The following PIAS3 variants were observed in gnomAD, a reference collection of about 807,000 sequenced individuals.
PIAS3 encodes the protein E3 SUMO-protein ligase PIAS3.
In PIAS3, 34 loss-of-function variants were observed where a neutral mutation model predicts 67.6. That is an observed-to-expected ratio of 0.50 (90% CI 0.38 to 0.67). The LOEUF is 0.67. Ranked by LOEUF, PIAS3 falls within the 30% of genes least tolerant of loss-of-function variation. The pLI is 0.00. For missense variants in PIAS3, 693 were observed against 791.6 expected (o/e 0.88, Z 1.49); for synonymous variants, 341 against 313.8 (o/e 1.09, Z -0.92).
Position 145,849,581 on chromosome 1 carries a change from G to A in PIAS3, c.1752C>T (p.Ala584=). 6.2e-7 allele frequency: 1 copy of A among 1,612,240 alleles called. No homozygotes were observed. The highest frequency in any genetic ancestry group is 1.1e-5 in the South Asian group (1 of 90,714). ...APTLGSSHCS[A]TPAPPPGRVS... ...CACGGCCAGGAGGGGGCGCCGGAGTGGCGCTGCAGTGGGAGCTCCCCAGCG... is the reference window on the plus strand; with the variant it reads ...CACGGCCAGGAGGGGGCGCCGGAGTAGCGCTGCAGTGGGAGCTCCCCAGCG... The change falls in exon 14 of 14, where the codon GCC becomes GCT. Residue 584 remains alanine, a synonymous_variant. Coordinates refer to ENST00000393045, the MANE Select transcript of PIAS3 (RefSeq NM_006099.3).
rs782112613 is a variant in PIAS3, at chr1:145,856,721, C to T, written c.310G>A (p.Gly104Ser). 3.7e-6 allele frequency: 6 copies of T among 1,613,514 alleles called. No individual in the cohort carries two copies. The highest frequency in any genetic ancestry group is 5.1e-6 in the Non-Finnish European group (6 of 1,179,608). Reference protein sequence around the residue: ...APIPPTLLAPGTLLGPKREVD... With the variant: ...APIPPTLLAPSTLLGPKREVD... Reference sequence around the variant, plus strand: ...TCACGCTTGGGGCCCAGCAGGGTGCCAGGGGCCAACAGCGTTGGGGGAATG... The same window carrying T: ...TCACGCTTGGGGCCCAGCAGGGTGCTAGGGGCCAACAGCGTTGGGGGAATG... Residue 104 changes from glycine (G) to serine (S), a missense_variant, in exon 2 of 14, where the codon GGC becomes AGC. Gly to Ser is a moderately conservative substitution (Grantham distance 56, BLOSUM62 0). This residue lies in a region of PIAS3 where 308 missense variants were observed against 348.8 expected (regional missense o/e 0.88). Coordinates refer to ENST00000393045, the MANE Select transcript of PIAS3 (RefSeq NM_006099.3).
intron 1 of PIAS3, among the ~76,000 whole-genome samples, chr1:145,858,163 C>T (rs1653268720): frequency 6.6e-6 from 1 of 152,110 alleles, no homozygotes; most frequent in Non-Finnish European, 1.5e-5. Flanking sequence ...GAGATCCTGT[C>T]ATGTGCAGGG....
At chr1:145,858,158 C>G (rs1240541247) in intron 1 of PIAS3, among the ~76,000 whole-genome samples, 14 of 152,072 alleles carry the variant, frequency 9.2e-5, no homozygotes, top group Non-Finnish European at 2.1e-4. Flanking sequence ...TCTAGGAGAT[C>G]CTGTCATGTG....
rs1553735745 is a variant in PIAS3, at chr1:145,856,827, C to A, written c.204G>T (p.Lys68Asn). The A allele has an allele frequency of 6.2e-7, 1 of 1,614,102 alleles. No homozygotes were observed. The highest frequency in any genetic ancestry group is 1.7e-5 in the Admixed American group (1 of 60,022). ...KELYRRRFPR[K>N]TLGPSDLSLL... ...GGGAGAGATCAGAGGGCCCCAGGGT[C>A]TTCCGGGGAAAGCGTCGTCGGTAAA... Residue 68 changes from lysine (K) to asparagine (N), a missense_variant, in exon 2 of 14, where the codon AAG (lysine) becomes AAT (asparagine). Lys to Asn is a moderately conservative substitution (Grantham distance 94). Transcript: ENST00000393045.
Position 145,849,577 on chromosome 1 carries a change from G to C in PIAS3, c.1756C>G (p.Pro586Ala), listed in dbSNP as rs782337294. ...TLGSSHCSATPAPPPGRVSSI... is the reference protein window; with the variant it reads ...TLGSSHCSATAAPPPGRVSSI... ...CTGACACGGCCAGGAGGGGGCGCCG[G>C]AGTGGCGCTGCAGTGGGAGCTCCCC... Residue 586 changes from proline (P) to alanine (A), a missense_variant, in exon 14 of 14, where the codon CCG becomes GCG. Pro to Ala is a conservative substitution (Grantham distance 27). Transcript: ENST00000393045. 12 of 1,611,724 alleles carry C rather than the reference G, an allele frequency of 7.4e-6. No individual in the cohort carries two copies. Among genetic ancestry groups the C allele is most frequent in the Non-Finnish European group, 1.0e-5 (12 of 1,179,010 alleles).
chr1:145,855,338 C>T (rs745330339), intron 5 of PIAS3, among the ~76,000 whole-genome samples: 5 of 151,972 alleles, frequency 3.3e-5, no homozygotes, highest in East Asian at 3.9e-4. Context: ...AAAAATTAGC[C>T]GGGCAGGGTG....
intron 9 of PIAS3, among the ~76,000 whole-genome samples, chr1:145,853,018 G>A (rs896214967): frequency 6.6e-6 from 1 of 151,976 alleles, no homozygotes; most frequent in Non-Finnish European, 1.5e-5. Flanking sequence ...CACACAGACT[G>A]GTAAAAGGGA....
chr1:145,851,107 G>T lies in PIAS3; in HGVS notation c.1192C>A (p.Gln398Lys). 1 of 1,614,014 alleles carries T rather than the reference G, an allele frequency of 6.2e-7. No individual in the cohort carries two copies. Among genetic ancestry groups the T allele is most frequent in the South Asian group, 1.1e-5 (1 of 91,076 alleles). Residue 398 changes from glutamine to lysine, a missense_variant, in exon 10 of 14, where the codon CAA (glutamine) becomes AAA (lysine). Physicochemically the swap from Gln to Lys is moderately conservative, Grantham distance 53. This residue lies in a region of PIAS3 where 115 missense variants were observed against 181.8 expected (regional missense o/e 0.63). Transcript: ENST00000393045. ...LSSCSDCDEIQFMEDGSWCPM... is the reference protein window; with the variant it reads ...LSSCSDCDEIKFMEDGSWCPM... ...CACCAGGATCCATCTTCCATGAATT[G>T]GATCTCATCACAATCTGAACAGGAA...
chr1:145,853,641 G>A lies in PIAS3; in HGVS notation c.1008C>T (p.Val336=). ...MCPLGKMRLT[V]PCRALTCAHL... ...GGGCGCAGGTGAGGGCACGACAAGG[G>A]ACAGTCAGGCGCATCTTCCCTAGCT... The change falls in exon 9 of 14, where the codon GTC becomes GTT. Residue 336 remains valine, a synonymous_variant. Transcript: ENST00000393045. 1.2e-6 allele frequency: 2 copies of A among 1,614,004 alleles called. No homozygotes were observed. Among genetic ancestry groups the A allele is most frequent in the East Asian group, 2.2e-5 (1 of 44,868 alleles).
Position 145,850,234 on chromosome 1 carries a change from G to A in PIAS3, c.1618C>T (p.Gln540Ter). The change falls in exon 13 of 14, where the codon CAG becomes TAG. Residue 540 changes from glutamine (Q) to a stop codon, truncating the protein, a stop_gained and splice_region_variant. Transcript: ENST00000393045. LOFTEE classifies it high-confidence loss of function. ...CTTCTGAAGAAAGAACCACTTACCT[G>A]ACTCTCTGTCTGAAGAAATGAAAAT... ...DLFSFLQTES[Q>*]HYGPSVITSL... 6.2e-7 allele frequency: 1 copy of A among 1,614,208 alleles called. No individual in the cohort carries two copies. The highest frequency in any genetic ancestry group is 8.5e-7 in the Non-Finnish European group (1 of 1,180,024).
At chr1:145,857,850 T>C (rs1653254866) in intron 1 of PIAS3, among the ~76,000 whole-genome samples, 2 of 151,988 alleles carry the variant, frequency 1.3e-5, no homozygotes, top group East Asian at 3.9e-4. Context: ...AGCGCCCCCC[T>C]ATAGGGGTGG....
chr1:145,849,460 T>C lies in PIAS3; in HGVS notation c.1873A>G (p.Ile625Val). The part of the protein sequence containing the change: ...PSLTGCRSDI[I>V]SLD Reference sequence around the variant, plus strand: ...ATCCAGGGAACTCAGTCCAGGGAAATGATGTCTGACCGACAGCCAGTCAAA... The same window carrying C: ...ATCCAGGGAACTCAGTCCAGGGAAACGATGTCTGACCGACAGCCAGTCAAA... The change falls in exon 14 of 14, where the codon ATT becomes GTT. Residue 625 changes from isoleucine (I) to valine (V), a missense_variant. Physicochemically the swap from Ile to Val is conservative, Grantham distance 29. Transcript: ENST00000393045. 6.7e-7 allele frequency: 1 copy of C among 1,502,792 alleles called. No homozygotes were observed. The highest frequency in any genetic ancestry group is 1.4e-5 in the African/African-American group (1 of 71,060). 93.1% of individuals were successfully genotyped at this position (1,502,792 alleles called of 1,614,324 possible).
At position 145,854,446 on chromosome 1, in the gene PIAS3, GAT is replaced by G; in HGVS notation, c.910+10_910+11del. ...CAGATCAGGTGGGGAAGAGAGGAAAGATGTTACTCACTCAGTGCCCGCGAGTG... is the reference window on the plus strand; with the variant it reads ...CAGATCAGGTGGGGAAGAGAGGAAAGGTTACTCACTCAGTGCCCGCGAGTG... On this transcript the variant is annotated intron_variant, in intron 7 of 13. Transcript: ENST00000393045. 1 of 1,569,710 alleles carries G rather than the reference GAT, an allele frequency of 6.4e-7. No individual in the cohort carries two copies. The highest frequency in any genetic ancestry group is 1.1e-5 in the South Asian group (1 of 90,206).
intron 3 of PIAS3, 71 bp from the exon 4 acceptor site, chr1:145,856,189 G>A: frequency 7.1e-7 from 1 of 1,402,344 alleles, no homozygotes; most frequent in Non-Finnish European, 1.0e-6. Context: ...TGCACAGAAA[G>A]GCTGAAAGTC....
In PIAS3 at chr1:145,853,647, C is replaced by A; in HGVS notation, c.1002G>T (p.Leu334=). The change falls in exon 9 of 14, where the codon CTG becomes CTT. Residue 334 remains leucine (L), a synonymous_variant. Transcript: ENST00000393045. ...SLMCPLGKMR[L]TVPCRALTCA... is the part of the protein sequence containing the mutation. ...AGGTGAGGGCACGACAAGGGACAGTCAGGCGCATCTTCCCTAGCTGAGGAG... is the reference window on the plus strand; with the variant it reads ...AGGTGAGGGCACGACAAGGGACAGTAAGGCGCATCTTCCCTAGCTGAGGAG... 2 of 1,613,994 alleles carry A rather than the reference C, an allele frequency of 1.2e-6. No individual in the cohort carries two copies. The highest frequency in any genetic ancestry group is 1.3e-5 in the African/African-American group (1 of 75,026).
intron 13 of PIAS3, chr1:145,850,025 AG>A (rs1179550373): frequency 6.9e-7 from 1 of 1,442,352 alleles, no homozygotes; most frequent in African/African-American, 1.4e-5. Context: ...AGGGCAGAAA[AG>A]TAACAGGGGA....
intron 13 of PIAS3, 125 bp downstream of exon 13, chr1:145,850,107 A>G: frequency 6.5e-7 from 1 of 1,545,812 alleles, no homozygotes; most frequent in Non-Finnish European, 8.7e-7. Context: ...AGATACCTAC[A>G]CCCCACTGCC....
chr1:145,856,182 A>G (rs1553735559), intron 3 of PIAS3, 64 bp from the exon 4 acceptor site: 1 of 1,435,842 alleles, frequency 7.0e-7, no homozygotes, highest in African/African-American at 1.4e-5. Flanking sequence ...GGGTGAATGC[A>G]CAGAAAGGCT....
rs1300568079 is a variant in PIAS3, at chr1:145,850,759, A to G, written c.1448+12T>C. On this transcript the variant is annotated intron_variant, in intron 11 of 13. Coordinates refer to ENST00000393045, the MANE Select transcript of PIAS3 (RefSeq NM_006099.3). ...GTCCGTTTTGCTGTAGACTCAGCCT[A>G]TTTTCTCATACCCTTTGCTTCCAGG... 1.9e-6 allele frequency: 3 copies of G among 1,613,586 alleles called. No individual in the cohort carries two copies. Among genetic ancestry groups the G allele is most frequent in the Non-Finnish European group, 2.5e-6 (3 of 1,179,800 alleles).
Sources: gnomAD v4.1 joint callset for allele counts (sites outside exome capture counted in the v4.1 genomes callset) on GRCh38, gnomAD v4.1.1 for gene constraint, gnomAD v4.1.1 regional missense constraint, MANE v1.5 for transcripts, NCBI Gene and HGNC (gene_info 2026-07-23, HGNC 2026-07-21) for gene names.